Variants in PTPRD observed in about 807,000 individuals in gnomAD.
PTPRD encodes protein tyrosine phosphatase receptor type D.
Under a neutral mutation model 214.5 loss-of-function variants are expected in PTPRD, and 34 were observed. The observed-to-expected ratio is 0.16, with a 90% CI of 0.12 to 0.21. The LOEUF (loss-of-function observed/expected upper bound fraction) is 0.21, where lower values mean the gene tolerates loss of function less well. PTPRD is among the 10% of genes least tolerant of loss of function. The probability of loss-of-function intolerance (pLI) is 1.00; values close to 1 mark genes in which losing one functional copy is unlikely to be tolerated. For missense variants in PTPRD, 2,545 were observed against 2,398.7 expected, an observed-to-expected ratio of 1.06 and a Z score of -1.27; for synonymous variants, 1,128 against 845.7, an observed-to-expected ratio of 1.33 and a Z score of -5.79.
intron 5 of PTPRD, among the ~76,000 whole-genome samples, chr9:9,829,974 G>A (rs1013538030): frequency 6.6e-6 from 1 of 151,522 alleles, no homozygotes; most frequent in African/African-American, 2.4e-5. Flanking sequence ...ACTTTCTTTT[G>A]CATGCTTATC....
chr9:10,128,524 A>G (rs771236400), intron 3 of PTPRD, among the ~76,000 whole-genome samples: 9 of 152,138 alleles, frequency 5.9e-5, no homozygotes, highest in Non-Finnish European at 8.8e-5. Flanking sequence ...CCTTAGAAGA[A>G]GCCAATCCTG....
At chr9:8,638,216 T>C (rs1035590600) in intron 12 of PTPRD, among the ~76,000 whole-genome samples, 24 of 151,988 alleles carry the variant, frequency 1.6e-4, no homozygotes, top group Admixed American at 1.3e-3. Context: ...TAGCTAAAAT[T>C]GATTTTGAAA....
chr9:8,673,848 T>C (rs754818821), intron 12 of PTPRD, among the ~76,000 whole-genome samples: 3 of 152,160 alleles, frequency 2.0e-5, no homozygotes, highest in Middle Eastern at 3.2e-3. Flanking sequence ...ATAAGTGCTA[T>C]TGACATTGGG....
At chr9:9,775,082 T>C (rs1351082045) in intron 5 of PTPRD, among the ~76,000 whole-genome samples, 1 of 152,190 alleles carries the variant, frequency 6.6e-6, no homozygotes, top group Non-Finnish European at 1.5e-5. Flanking sequence ...TGAGCACCAG[T>C]TTGGAGAGTC....
intron 2 of PTPRD, among the ~76,000 whole-genome samples, chr9:10,484,815 C>T (rs1457505255): frequency 6.6e-6 from 1 of 151,822 alleles, no homozygotes; most frequent in Non-Finnish European, 1.5e-5. Context: ...TTATTCTGTG[C>T]GTTGTCTCTT....
chr9:9,147,136 C>T (rs931600594), intron 10 of PTPRD, among the ~76,000 whole-genome samples: 4 of 151,970 alleles, frequency 2.6e-5, no homozygotes, highest in Non-Finnish European at 5.9e-5. Context: ...ATGATTTGAT[C>T]ATATAAATTT....
At chr9:9,161,908 T>G (rs2099890089) in intron 10 of PTPRD, among the ~76,000 whole-genome samples, 1 of 152,184 alleles carries the variant, frequency 6.6e-6, no homozygotes, top group South Asian at 2.1e-4. Context: ...TGTACCTTTA[T>G]GAAATGGGAC....
At chr9:10,548,279 A>C (rs971522969) in intron 2 of PTPRD, among the ~76,000 whole-genome samples, 5 of 152,140 alleles carry the variant, frequency 3.3e-5, no homozygotes, top group Admixed American at 1.3e-4. Flanking sequence ...CTCTATATAT[A>C]AGTTGTTGCT....
At chr9:9,920,124 T>A (rs147232229) in intron 5 of PTPRD, among the ~76,000 whole-genome samples, 44 of 152,266 alleles carry the variant, frequency 2.9e-4, no homozygotes, top group African/African-American at 1.0e-3. Flanking sequence ...GACAAAATTG[T>A]TGTCAGTTTT....
At chr9:9,550,593 T>C (rs533224452) in intron 8 of PTPRD, among the ~76,000 whole-genome samples, 1 of 150,710 alleles carries the variant, frequency 6.6e-6, no homozygotes, top group South Asian at 2.1e-4. Context: ...CTATTGGTTC[T>C]GTTGCTCTGG....
At chr9:9,488,280 A>T (rs2095744029) in intron 8 of PTPRD, among the ~76,000 whole-genome samples, 1 of 152,200 alleles carries the variant, frequency 6.6e-6, no homozygotes, top group Non-Finnish European at 1.5e-5. Context: ...TGCTACAGTA[A>T]TTCTTTGGTG....
intron 10 of PTPRD, among the ~76,000 whole-genome samples, chr9:9,026,639 AT>A (rs914504654): frequency 6.6e-6 from 1 of 151,342 alleles, no homozygotes; most frequent in Non-Finnish European, 1.5e-5. Flanking sequence ...CCTGCTCTTG[AT>A]TTTTTTTGTT....
intron 7 of PTPRD, among the ~76,000 whole-genome samples, chr9:9,696,830 C>A (rs1288126623): frequency 6.6e-6 from 1 of 152,034 alleles, no homozygotes; most frequent in Non-Finnish European, 1.5e-5. Flanking sequence ...TAAAGATTTA[C>A]TATTGCAATT....
At chr9:9,369,385 T>C (rs2058802109) in intron 9 of PTPRD, among the ~76,000 whole-genome samples, 1 of 152,090 alleles carries the variant, frequency 6.6e-6, no homozygotes, top group Non-Finnish European at 1.5e-5. Flanking sequence ...TTTCATGTGT[T>C]TTTTGGCTGC....
intron 11 of PTPRD, among the ~76,000 whole-genome samples, chr9:8,897,782 C>T (rs1283110763): frequency 2.0e-5 from 3 of 152,152 alleles, no homozygotes; most frequent in African/African-American, 7.2e-5. Context: ...GTTGGATAAA[C>T]ATTTGATTCC....
chr9:10,179,664 A>G lies in PTPRD; in HGVS notation c.-544-145874T>C, dbSNP rs115448848. ...ATGCAATTTTCAAGATGTGTTACCT[A>G]TATTCACCCATTCAATCCTCACTAA... On this transcript the variant is annotated intron_variant, in intron 3 of 45. Coordinates refer to ENST00000381196, the MANE Select transcript of PTPRD (RefSeq NM_002839.4). Among the ~76,000 whole-genome samples, 1,158 of 152,140 alleles carry G rather than the reference A, an allele frequency of 7.6e-3. 14 individuals are homozygous for G. Among genetic ancestry groups the G allele is most frequent in the African/African-American group, 0.026 (1,074 of 41,538 alleles).
chr9:9,606,214 A>ATT, intron 7 of PTPRD, among the ~76,000 whole-genome samples: 3 of 152,226 alleles, frequency 2.0e-5, no homozygotes, highest in Admixed American at 2.0e-4. Flanking sequence ...TTAAATGCCT[A>ATT]ATAGACTTAG....
chr9:9,845,080 C>G (rs7863812), intron 5 of PTPRD, among the ~76,000 whole-genome samples: 1 of 103,448 alleles, frequency 9.7e-6, no homozygotes, highest in Non-Finnish European at 1.9e-5. Context: ...ATATATTGCT[C>G]TATATATATA....
chr9:9,260,730 G>C (rs1368724744), intron 9 of PTPRD, among the ~76,000 whole-genome samples: 1 of 151,840 alleles, frequency 6.6e-6, no homozygotes, highest in East Asian at 2.0e-4. Context: ...TAATAGAATA[G>C]AATAGTGCGG....
Sources: allele counts gnomAD v4.1 joint callset (sites outside exome capture counted in the v4.1 genomes callset), GRCh38; gene constraint gnomAD v4.1.1; transcripts MANE v1.5; gene names NCBI Gene and HGNC (gene_info 2026-07-23, HGNC 2026-07-21).